The following PTPN6 variants were observed in gnomAD, a reference collection of about 807,000 sequenced individuals.
PTPN6 encodes protein tyrosine phosphatase non-receptor type 6, also known as tyrosine-protein phosphatase non-receptor type 6.
A neutral mutation model predicts 81.5 loss-of-function variants in PTPN6; 18 were observed. The observed-to-expected ratio is 0.22, with a 90% CI of 0.15 to 0.33. The LOEUF is 0.33. Among genes scored for constraint, PTPN6 ranks in the 10% least tolerant of loss-of-function variants. PTPN6 has a pLI of 1.00. For synonymous variants in PTPN6, 301 were observed against 310.9 expected, an observed-to-expected ratio of 0.97 and a Z score of 0.33; for missense variants, 500 against 794.2, an observed-to-expected ratio of 0.63 and a Z score of 4.45.
Position 6,959,863 on chromosome 12 carries a change from C to A in PTPN6, c.1362-64C>A. The A allele has an allele frequency of 6.4e-7, 1 of 1,570,684 alleles. No individual in the cohort carries two copies. Among genetic ancestry groups the A allele is most frequent in the Non-Finnish European group, 8.7e-7 (1 of 1,144,836 alleles). On this transcript the variant is annotated intron_variant, in intron 11 of 15. Coordinates refer to ENST00000318974, the MANE Select transcript of PTPN6 (RefSeq NM_002831.6). This position sits in a 1 kb window ranked among gnomAD's most constrained non-coding sequence, Gnocchi z 6.6. ...TGGTGCCTGGGGCTGGAGCTGAGCGCTGGGTACCCCCCTTCCCGGGGAGGG... is the reference window on the plus strand; with the variant it reads ...TGGTGCCTGGGGCTGGAGCTGAGCGATGGGTACCCCCCTTCCCGGGGAGGG...
chr12:6,951,460 C>T lies in PTPN6; in HGVS notation c.-53C>T. The stretch of plus-strand genomic sequence containing the variant: ...TCCCTGAGCTCTCTGCCTGCCCAGA[C>T]TAGCTGCACCTCCTCATTCCCTGCG... On this transcript the variant is annotated 5_prime_UTR_variant, in exon 1 of 16. Coordinates refer to ENST00000318974, the MANE Select transcript of PTPN6 (RefSeq NM_002831.6). The surrounding 1 kb of genome is among the most constrained non-coding windows in gnomAD (Gnocchi z 7.2). 1 of 1,612,468 alleles carries T rather than the reference C, an allele frequency of 6.2e-7. No individual in the cohort carries two copies. Among genetic ancestry groups the T allele is most frequent in the Non-Finnish European group, 8.5e-7 (1 of 1,179,306 alleles).
In PTPN6 at chr12:6,951,800, C is replaced by A; in HGVS notation, c.131+69C>A. 6.2e-7 allele frequency: 1 copy of A among 1,601,190 alleles called. No individual in the cohort carries two copies. On this transcript the variant is annotated intron_variant, in intron 2 of 15. Transcript: ENST00000318974. The surrounding 1 kb of genome is among the most constrained non-coding windows in gnomAD (Gnocchi z 7.2). ...TGTGCCATCCAGGCCCTGAACCACT[C>A]ATTCCTGGTTCCCCGTGGCAGTGCT...
upstream of PTPN6, chr12:6,946,636 C>T: frequency 8.9e-7 from 1 of 1,125,118 alleles, no homozygotes; most frequent in South Asian, 1.3e-5. Context: ...TTCTTCCTCA[C>T]CTGGCTTGGG....
Position 6,960,259 on chromosome 12 carries a change from TGGGG to T in PTPN6, c.1581+31_1581+34del. On this transcript the variant is annotated intron_variant, in intron 13 of 15. Transcript: ENST00000318974. The surrounding 1 kb of genome is among the most constrained non-coding windows in gnomAD (Gnocchi z 6.1). ...CTGCAGGTGCGTGCAGAGCAGGGCC[TGGGG>T]GGGGGGGGGGCTGCAGTGCAGGATG... 4 of 1,146,872 alleles carry T rather than the reference TGGGG, an allele frequency of 3.5e-6. No individual in the cohort carries two copies. The highest frequency in any genetic ancestry group is 4.9e-6 in the Non-Finnish European group (4 of 823,784). 71.0% of individuals were successfully genotyped at this position (1,146,872 alleles called of 1,614,324 possible).
Position 6,951,977 on chromosome 12 carries a change from C to T in PTPN6, c.132-6C>T. On this transcript the variant is annotated splice_region_variant and splice_polypyrimidine_tract_variant and intron_variant, in intron 2 of 15. Coordinates refer to ENST00000318974, the MANE Select transcript of PTPN6 (RefSeq NM_002831.6). This position sits in a 1 kb window ranked among gnomAD's most constrained non-coding sequence, Gnocchi z 7.2. ...CCGACTGGCCTCACCGCCTGGTGCC[C>T]TGCAGGGTGGGGGATCAGGTGACCC... 1 of 1,613,998 alleles carries T rather than the reference C, an allele frequency of 6.2e-7. No homozygotes were observed. Among genetic ancestry groups the T allele is most frequent in the South Asian group, 1.1e-5 (1 of 91,070 alleles).
Position 6,952,224 on chromosome 12 carries a change from TC to T in PTPN6, c.326+50del. On this transcript the variant is annotated intron_variant, in intron 3 of 15. Coordinates refer to ENST00000318974, the MANE Select transcript of PTPN6 (RefSeq NM_002831.6). This position sits in a 1 kb window ranked among gnomAD's most constrained non-coding sequence, Gnocchi z 8.1. ...CATTCCCAAGCAGGGATGAGCCGGC[TC>T]CCACCCTGAACAGCCAGGGAGGCAG... is the stretch of plus-strand genomic sequence containing the variant. 1 of 1,606,108 alleles carries T rather than the reference TC, an allele frequency of 6.2e-7. No homozygotes were observed. Among genetic ancestry groups the T allele is most frequent in the Non-Finnish European group, 8.5e-7 (1 of 1,175,380 alleles).
chr12:6,947,724 G>C (rs139403024), upstream of PTPN6, among the ~76,000 whole-genome samples: 1 of 151,940 alleles, frequency 6.6e-6, no homozygotes, highest in South Asian at 2.1e-4. Flanking sequence ...CAAGTGACTG[G>C]GTGTGCAGGT....
At position 6,954,882 on chromosome 12, in the gene PTPN6, T is replaced by G. The variant is rs782054048; in HGVS notation, c.404T>G (p.Val135Gly). 1 of 1,614,248 alleles carries G rather than the reference T, an allele frequency of 6.2e-7. No homozygotes were observed. The highest frequency in any genetic ancestry group is 1.1e-5 in the South Asian group (1 of 91,092). Residue 135 changes from valine (V) to glycine (G), a missense_variant, in exon 4 of 16, where the codon GTG becomes GGG. Transcript: ENST00000318974. This position sits in a 1 kb window ranked among gnomAD's most constrained non-coding sequence, Gnocchi z 5.4. ...AAGGGCGAGCCCTGGACGTTTCTTG[T>G]GCGTGAGAGCCTCAGCCAGCCTGGA... ...QAKGEPWTFL[V>G]RESLSQPGDF...
In PTPN6 at chr12:6,956,635, G is replaced by C; in HGVS notation, c.1074+67G>C. 6.3e-7 allele frequency: 1 copy of C among 1,599,550 alleles called. No homozygotes were observed. Among genetic ancestry groups the C allele is most frequent in the Non-Finnish European group, 8.5e-7 (1 of 1,170,558 alleles). Reference sequence around the variant, plus strand: ...GGTCATGCCATTAAGTCGAAGAGCAGTCAGATGCCAGGGCAGAAAGGGATC... The same window carrying C: ...GGTCATGCCATTAAGTCGAAGAGCACTCAGATGCCAGGGCAGAAAGGGATC... On this transcript the variant is annotated intron_variant, in intron 9 of 15. Coordinates refer to ENST00000318974, the MANE Select transcript of PTPN6 (RefSeq NM_002831.6). The surrounding 1 kb of genome is among the most constrained non-coding windows in gnomAD (Gnocchi z 4.1).
chr12:6,947,555 A>G (rs1314042122), upstream of PTPN6, among the ~76,000 whole-genome samples: 1 of 151,784 alleles, frequency 6.6e-6, no homozygotes, highest in Non-Finnish European at 1.5e-5. Flanking sequence ...CTGTGGTTCC[A>G]GCTATGGAGA....
chr12:6,948,814 C>T (rs949105025), upstream of PTPN6, among the ~76,000 whole-genome samples: 11 of 151,472 alleles, frequency 7.3e-5, no homozygotes, highest in South Asian at 2.1e-4. Context: ...CACAGTGGTG[C>T]GCACCTGTGA....
At chr12:6,951,303 C>A, upstream of PTPN6, 3 of 1,485,840 alleles carry the variant, frequency 2.0e-6, no homozygotes, top group Non-Finnish European at 2.7e-6. The surrounding 1 kb of genome is among the most constrained non-coding windows in gnomAD (Gnocchi z 7.2). Flanking sequence ...TGAGTTCCCC[C>A]AAGGGGTCGG....
At position 6,951,466 on chromosome 12, in the gene PTPN6, G is replaced by A; in HGVS notation, c.-47G>A. On this transcript the variant is annotated 5_prime_UTR_variant, in exon 1 of 16. Transcript: ENST00000318974. The surrounding 1 kb of genome is among the most constrained non-coding windows in gnomAD (Gnocchi z 7.2). ...AGCTCTCTGCCTGCCCAGACTAGCT[G>A]CACCTCCTCATTCCCTGCGCCCCCT... The A allele has an allele frequency of 6.2e-7, 1 of 1,613,052 alleles. No homozygotes were observed. The highest frequency in any genetic ancestry group is 8.5e-7 in the Non-Finnish European group (1 of 1,179,586).
chr12:6,948,694 A>C (rs1433298212), upstream of PTPN6, among the ~76,000 whole-genome samples: 4 of 152,026 alleles, frequency 2.6e-5, no homozygotes, highest in African/African-American at 9.7e-5. Context: ...TAATCCCAGC[A>C]CTTTGGGAGG....
Position 6,960,964 on chromosome 12 carries a change from G to C in PTPN6, c.*25+19G>C, listed in dbSNP as rs1370530622. On this transcript the variant is annotated intron_variant, in intron 15 of 15. Transcript: ENST00000318974. The surrounding 1 kb of genome is among the most constrained non-coding windows in gnomAD (Gnocchi z 6.1). Reference sequence around the variant, plus strand: ...GGCCATGGTACAGCTCTTCTGCCTGGGTGTCCTCCCTGCCCTGCCCTGTGT... The same window carrying C: ...GGCCATGGTACAGCTCTTCTGCCTGCGTGTCCTCCCTGCCCTGCCCTGTGT... 1 of 1,552,980 alleles carries C rather than the reference G, an allele frequency of 6.4e-7. No individual in the cohort carries two copies. The highest frequency in any genetic ancestry group is 2.4e-5 in the East Asian group (1 of 41,150).
chr12:6,960,784 GC>G lies in PTPN6; in HGVS notation c.1674-16del, dbSNP rs782695175. On this transcript the variant is annotated intron_variant, in intron 14 of 15. Coordinates refer to ENST00000318974, the MANE Select transcript of PTPN6 (RefSeq NM_002831.6). The surrounding 1 kb of genome is among the most constrained non-coding windows in gnomAD (Gnocchi z 6.1). The stretch of plus-strand genomic sequence containing the variant: ...TGACCTGCACCAACTGCCTGTACTT[GC>G]CCCCCTGCACCCGGCTGCAGACACA... 1.3e-6 allele frequency: 2 copies of G among 1,553,602 alleles called. No homozygotes were observed. Among genetic ancestry groups the G allele is most frequent in the Non-Finnish European group, 1.7e-6 (2 of 1,148,028 alleles).
rs1435024692 is a variant in PTPN6, at chr12:6,956,275, C to T, written c.924+54C>T. 2 of 1,609,674 alleles carry T rather than the reference C, an allele frequency of 1.2e-6. No individual in the cohort carries two copies. Among genetic ancestry groups the T allele is most frequent in the African/African-American group, 1.3e-5 (1 of 74,818 alleles). Reference sequence around the variant, plus strand: ...AGGCTGGGCCCTGGGAATTCCCTGTCTGGTGGGGGGACCCTAGATCCAGAG... The same window carrying T: ...AGGCTGGGCCCTGGGAATTCCCTGTTTGGTGGGGGGACCCTAGATCCAGAG... On this transcript the variant is annotated intron_variant, in intron 8 of 15. Transcript: ENST00000318974. This position sits in a 1 kb window ranked among gnomAD's most constrained non-coding sequence, Gnocchi z 4.1.
Position 6,957,662 on chromosome 12 carries a change from C to A in PTPN6, c.1083C>A (p.Cys361Ter). The A allele has an allele frequency of 7.2e-7, 1 of 1,394,558 alleles. No individual in the cohort carries two copies. The highest frequency in any genetic ancestry group is 9.9e-7 in the Non-Finnish European group (1 of 1,010,936). The allele number at this position is 1,394,558 out of a possible 1,614,324, so 86.4% of individuals were successfully genotyped here. ...CGACCCTCCCTTTCCAGAACAAATG[C>A]GTCCCATACTGGCCCGAGGTGGGCA... ...TREVEKGRNK[C>*]VPYWPEVGMQ... is the part of the protein sequence containing the mutation. The change falls in exon 10 of 16, where the codon TGC becomes TGA. Residue 361 changes from cysteine (C) to a stop codon, truncating the protein, a stop_gained. Coordinates refer to ENST00000318974, the MANE Select transcript of PTPN6 (RefSeq NM_002831.6). LOFTEE classifies it high-confidence loss of function. This position sits in a 1 kb window ranked among gnomAD's most constrained non-coding sequence, Gnocchi z 6.5.
At chr12:6,948,549 GAAAGA>G (rs1257044383), upstream of PTPN6, among the ~76,000 whole-genome samples, 3 of 142,816 alleles carry the variant, frequency 2.1e-5, no homozygotes, top group Non-Finnish European at 4.6e-5. Flanking sequence ...AGGAAGGAAA[GAAAGA>G]AAAGAAAGGA....
Sources: allele counts gnomAD v4.1 joint callset (sites outside exome capture counted in the v4.1 genomes callset), GRCh38; gene constraint gnomAD v4.1.1; non-coding constraint Gnocchi (gnomAD v3.1); transcripts MANE v1.5; gene names NCBI Gene and HGNC (gene_info 2026-07-23, HGNC 2026-07-21).